SRPK2: variants seen among roughly 807,000 people sequenced by gnomAD.
The protein encoded by SRPK2 is SRSF protein kinase 2, also known as SFRS protein kinase 2.
A neutral mutation model predicts 90.8 loss-of-function variants in SRPK2; 21 were observed. The ratio of observed to expected loss-of-function variants is 0.23; its 90% CI spans 0.16 to 0.33. The LOEUF (loss-of-function observed/expected upper bound fraction) is 0.33. Among genes scored for constraint, SRPK2 ranks in the 10% least tolerant of loss-of-function variants. SRPK2 has a pLI of 1.00. For synonymous variants in SRPK2, 288 were observed against 311.1 expected, an observed-to-expected ratio of 0.93 and a Z score of 0.78; for missense variants, 620 against 869.0, an observed-to-expected ratio of 0.71 and a Z score of 3.60.
At chr7:105,288,378 G>A (rs529459756) in intron 2 of SRPK2, among the ~76,000 whole-genome samples, 55 of 152,192 alleles carry the variant, frequency 3.6e-4, no homozygotes, top group Non-Finnish European at 5.1e-4. Context: ...GGTGGATCAC[G>A]AAATCAGGAG....
chr7:105,284,756 C>CCA (rs1252876315), intron 2 of SRPK2, among the ~76,000 whole-genome samples: 16 of 152,276 alleles, frequency 1.1e-4, no homozygotes, highest in Non-Finnish European at 2.1e-4. Flanking sequence ...AAATATCTTT[C>CCA]ACTGCAGCAA....
chr7:105,351,850 CCAG>C, intron 2 of SRPK2, among the ~76,000 whole-genome samples: 1 of 147,492 alleles, frequency 6.8e-6, no homozygotes. Flanking sequence ...AATAAATAAC[CCAG>C]TCTCAGAAAT....
At chr7:105,235,379 T>C (rs1799995407) in intron 2 of SRPK2, among the ~76,000 whole-genome samples, 1 of 152,240 alleles carries the variant, frequency 6.6e-6, no homozygotes, top group Non-Finnish European at 1.5e-5. Context: ...TTACCATCAT[T>C]GTACTCATCA....
chr7:105,198,113 G>A (rs1219376177), intron 3 of SRPK2, among the ~76,000 whole-genome samples: 2 of 152,166 alleles, frequency 1.3e-5, no homozygotes, highest in Admixed American at 1.3e-4. Flanking sequence ...AGTTTTAGAA[G>A]GATGATACAT....
intron 2 of SRPK2, among the ~76,000 whole-genome samples, chr7:105,213,634 C>CT (rs1797114474): frequency 6.6e-6 from 1 of 152,046 alleles, no homozygotes; most frequent in South Asian, 2.1e-4. Context: ...GTAAGCCTAC[C>CT]TTTTACATTA....
At chr7:105,262,195 T>A (rs1036407034) in intron 2 of SRPK2, among the ~76,000 whole-genome samples, 1 of 152,274 alleles carries the variant, frequency 6.6e-6, no homozygotes, top group East Asian at 1.9e-4. Flanking sequence ...AACTACTACA[T>A]CTAGACCAAA....
chr7:105,154,639 T>A (rs1806223487), intron 7 of SRPK2, among the ~76,000 whole-genome samples: 1 of 152,096 alleles, frequency 6.6e-6, no homozygotes, highest in Admixed American at 6.6e-5. Flanking sequence ...TCTCATCTGG[T>A]TACATATTAT....
chr7:105,259,724 T>C (rs1803921498), intron 2 of SRPK2, among the ~76,000 whole-genome samples: 1 of 152,114 alleles, frequency 6.6e-6, no homozygotes, highest in Non-Finnish European at 1.5e-5. Flanking sequence ...GCCTCAGAAA[T>C]ACCACCACAC....
rs767902424 is a variant in SRPK2, at chr7:105,167,470, C to T, written c.427-6G>A. 1 of 1,611,554 alleles carries T rather than the reference C, an allele frequency of 6.2e-7. No individual in the cohort carries two copies. The highest frequency in any genetic ancestry group is 1.7e-5 in the Admixed American group (1 of 59,938). On this transcript the variant is annotated splice_region_variant and splice_polypyrimidine_tract_variant and intron_variant, in intron 5 of 15. Transcript: ENST00000393651. The stretch of plus-strand genomic sequence containing the variant: ...CTGGGATCACTTTCTCGAACCTATG[C>T]CAAGAAAAATGAATGCAAGAACACA...
chr7:105,219,651 A>G lies in SRPK2; in HGVS notation c.72-15866T>C, dbSNP rs80231062. Among the ~76,000 whole-genome samples the G allele has an allele frequency of 8.7e-4, 133 of 152,356 alleles. 1 individual carries two copies. Among genetic ancestry groups the G allele is most frequent in the African/African-American group, 3.0e-3 (125 of 41,588 alleles). On this transcript the variant is annotated intron_variant, in intron 2 of 15. Transcript: ENST00000393651. ...GTAGAGCTCCTTACTTAGACATTAA[A>G]TAACAGATGTTGAATGAAAAATCAC...
intron 2 of SRPK2, chr7:105,206,268 C>A: frequency 3.6e-6 from 1 of 277,162 alleles, no homozygotes. Flanking sequence ...GTAGCATTTT[C>A]TATATATGGC....
At chr7:105,248,768 C>T (rs1455751222) in intron 2 of SRPK2, among the ~76,000 whole-genome samples, 1 of 151,882 alleles carries the variant, frequency 6.6e-6, no homozygotes, top group South Asian at 2.1e-4. Context: ...GGTGAAACCC[C>T]GTCTCTACTA....
At chr7:105,162,145 G>A (rs1450535533) in intron 6 of SRPK2, among the ~76,000 whole-genome samples, 2 of 152,156 alleles carry the variant, frequency 1.3e-5, no homozygotes, top group Admixed American at 1.3e-4. Flanking sequence ...GGGTTCAAGC[G>A]ATTCTCCTAC....
intron 2 of SRPK2, among the ~76,000 whole-genome samples, chr7:105,275,621 C>T (rs1038134540): frequency 3.3e-5 from 5 of 152,176 alleles, no homozygotes; most frequent in Non-Finnish European, 5.9e-5. Flanking sequence ...GTTTAAGGCT[C>T]CCAGACCACT....
Position 105,160,758 on chromosome 7 carries a change from AT to A in SRPK2, c.515-146del, listed in dbSNP as rs900284768. The stretch of plus-strand genomic sequence containing the variant: ...TATCAGTAATACCAAAAGTGAGAAA[AT>A]GTTGTATCTCACTTAAATAACAAGA... On this transcript the variant is annotated intron_variant, in intron 6 of 15. Transcript: ENST00000393651. 8.1e-5 allele frequency: 46 copies of A among 567,686 alleles called. No homozygotes were observed. In the African/African-American group the frequency reaches 8.2e-4, roughly 10 times the overall value. 35.2% of individuals were successfully genotyped at this position (567,686 alleles called of 1,614,324 possible). A position where few individuals can be genotyped will look rare whatever the true frequency, so the allele number is the denominator to read the frequency against.
In SRPK2 at chr7:105,148,171, C is replaced by T. The variant is rs890733171; in HGVS notation, c.622-1513G>A. On this transcript the variant is annotated intron_variant, in intron 7 of 15. Coordinates refer to ENST00000393651, the MANE Select transcript of SRPK2 (RefSeq NM_182692.3). ...CTTCGCCCTGAACAACACTTACTAT[C>T]GTTTTTTACTTTATCCACCCAAGTG... is the stretch of plus-strand genomic sequence containing the variant. 3.6e-4 allele frequency among the ~76,000 whole-genome samples: 55 copies of T among 152,170 alleles called. 1 individual carries two copies. Among genetic ancestry groups the T allele is most frequent in the Admixed American group, 3.3e-3 (50 of 15,282 alleles).
chr7:105,233,063 CAAGGAAGGAAGGAAGGAAAGGAAGGAAAG>C (rs1563119844), intron 2 of SRPK2, among the ~76,000 whole-genome samples: 3 of 117,046 alleles, frequency 2.6e-5, no homozygotes, highest in African/African-American at 3.5e-5. Flanking sequence ...AGGGAGGGAG[CAAGGAAGGAAGGAAGGAAAGGAAGGAAAG>C]AAGGAAGGAA....
intron 15 of SRPK2, among the ~76,000 whole-genome samples, chr7:105,119,303 C>T (rs1254933078): frequency 6.6e-6 from 1 of 152,072 alleles, no homozygotes; most frequent in African/African-American, 2.4e-5. Flanking sequence ...CCCATTTATT[C>T]GAGTCAACTT....
chr7:105,295,231 G>T (rs1208393192), intron 2 of SRPK2, among the ~76,000 whole-genome samples: 3 of 151,010 alleles, frequency 2.0e-5, no homozygotes, highest in East Asian at 3.9e-4. Context: ...AAAATTGAAT[G>T]AAAATATTTT....
Sources: gnomAD v4.1 joint callset for allele counts (sites outside exome capture counted in the v4.1 genomes callset) on GRCh38, gnomAD v4.1.1 for gene constraint, MANE v1.5 for transcripts, NCBI Gene and HGNC (gene_info 2026-07-23, HGNC 2026-07-21) for gene names.